Variants in OXNAD1 observed in about 807,000 individuals in gnomAD.
The protein encoded by OXNAD1 is oxidoreductase NAD-binding domain-containing protein 1.
A neutral mutation model predicts 32.9 loss-of-function variants in OXNAD1; 34 were observed. The ratio of observed to expected loss-of-function variants is 1.03; its 90% confidence interval spans 0.79 to 1.38. The LOEUF is 1.38. OXNAD1 is among the 40% of genes most tolerant of loss of function. OXNAD1 has a pLI of 0.00. For synonymous variants in OXNAD1, 134 were observed against 135.2 expected (o/e 0.99, Z 0.06); for missense variants, 407 against 379.4 (o/e 1.07, Z -0.60).
At position 16,302,762 on chromosome 3, in the gene OXNAD1, A is replaced by C. The variant is rs2067280642; in HGVS notation, c.784+14A>C. On this transcript the variant is annotated intron_variant, in intron 8 of 8. Coordinates refer to ENST00000285083, the MANE Select transcript of OXNAD1 (RefSeq NM_138381.5). The surrounding 1 kb of genome is among the most constrained non-coding windows in gnomAD (Gnocchi z 4.2). ...CATACATCACGGGTGAGTCCCCTAAAGATATTTTGACTATCTCCATGCAGT... is the reference window on the plus strand; with the variant it reads ...CATACATCACGGGTGAGTCCCCTAACGATATTTTGACTATCTCCATGCAGT... The C allele has an allele frequency of 6.3e-7, 1 of 1,576,246 alleles. No individual in the cohort carries two copies. The highest frequency in any genetic ancestry group is 1.1e-5 in the South Asian group (1 of 89,506).
chr3:16,272,556 A>G (rs971381283), intron 4 of OXNAD1, among the ~76,000 whole-genome samples: 2 of 151,982 alleles, frequency 1.3e-5, no homozygotes, highest in African/African-American at 4.8e-5. Context: ...ATGTAAAGGC[A>G]TATTGTTTAG....
Position 16,348,964 on chromosome 3 carries a change from A to G in OXNAD1, c.*31-212A>G, listed in dbSNP as rs2071912244. The stretch of plus-strand genomic sequence containing the variant: ...AGGGAAAATTCTGGCTAAAAGAGGT[A>G]AAAGAGGGACAGACAGCCATCCCAG... On this transcript the variant is annotated intron_variant, in intron 9 of 9. Coordinates refer to the OXNAD1 transcript ENST00000606098. This position sits in a 1 kb window ranked among gnomAD's most constrained non-coding sequence, Gnocchi z 6.3. Among the ~76,000 whole-genome samples, 1 of 152,230 alleles carries G rather than the reference A, an allele frequency of 6.6e-6. No homozygotes were observed. Among genetic ancestry groups the G allele is most frequent in the African/African-American group, 2.4e-5 (1 of 41,456 alleles).
rs763911105 is a variant in OXNAD1 at position 16,286,323 on chromosome 3, G to T, written c.184-19G>T. 27 of 1,595,688 alleles carry T rather than the reference G, an allele frequency of 1.7e-5. No homozygotes were observed. The Middle Eastern group carries it at 8.3e-4, about 49-fold the overall frequency. On this transcript the variant is annotated intron_variant, in intron 4 of 8. Coordinates refer to ENST00000285083, the MANE Select transcript of OXNAD1 (RefSeq NM_138381.5). ...TGTGTACGCACTAACCTCAGCCACA[G>T]TTCATCTTTTGGTTTTAGATTGTGT...
In OXNAD1 at chr3:16,322,228, G is replaced by T. The variant is rs907081148; in HGVS notation, c.*31-14884G>T. Among the ~76,000 whole-genome samples the T allele has an allele frequency of 6.6e-6, 1 of 152,172 alleles. No individual in the cohort carries two copies. Among genetic ancestry groups the T allele is most frequent in the Non-Finnish European group, 1.5e-5 (1 of 68,030 alleles). Reference sequence around the variant, plus strand: ...CTTCTGGTCCATTGTGCCGTCACCTGTCACATTACACCTTCAGAGCCTGGA... The same window carrying T: ...CTTCTGGTCCATTGTGCCGTCACCTTTCACATTACACCTTCAGAGCCTGGA... On this transcript the variant is annotated intron_variant, in intron 9 of 9. Coordinates refer to the OXNAD1 transcript ENST00000435829. The surrounding 1 kb of genome is among the most constrained non-coding windows in gnomAD (Gnocchi z 6.2).
chr3:16,327,180 G>A lies in OXNAD1; in HGVS notation c.*31-9932G>A, dbSNP rs185018815. On this transcript the variant is annotated intron_variant, in intron 9 of 9. Transcript: ENST00000435829. The surrounding 1 kb of genome is among the most constrained non-coding windows in gnomAD (Gnocchi z 4.2). ...CAAATAGCCTCCTGTGAGTTTCACT[G>A]ACGAAGCATAACTGTCTCACCTCTG... Among the ~76,000 whole-genome samples, 2 of 152,296 alleles carry A rather than the reference G, an allele frequency of 1.3e-5. No homozygotes were observed. The highest frequency in any genetic ancestry group is 3.9e-4 in the East Asian group (2 of 5,186).
chr3:16,333,989 C>A (rs2070599767), intron 9 of OXNAD1, among the ~76,000 whole-genome samples: 1 of 152,116 alleles, frequency 6.6e-6, no homozygotes, highest in Non-Finnish European at 1.5e-5. Context: ...CACGGTGAAA[C>A]CCCGTCTCTA....
At chr3:16,351,103 G>A (rs546753575), downstream of OXNAD1, among the ~76,000 whole-genome samples, 1 of 152,210 alleles carries the variant, frequency 6.6e-6, no homozygotes, top group Non-Finnish European at 1.5e-5. This position sits in a 1 kb window ranked among gnomAD's most constrained non-coding sequence, Gnocchi z 5.4. Context: ...TTACAGGCCA[G>A]AGTAGGTTTC....
Position 16,303,272 on chromosome 3 carries a change from T to C in OXNAD1, c.785-136T>C. The C allele has an allele frequency of 1.0e-6, 1 of 1,004,344 alleles. No individual in the cohort carries two copies. Among genetic ancestry groups the C allele is most frequent in the Non-Finnish European group, 1.5e-6 (1 of 675,372 alleles). The allele number at this position is 1,004,344 out of a possible 1,614,324, so 62.2% of individuals were successfully genotyped here. On this transcript the variant is annotated intron_variant, in intron 8 of 8. Transcript: ENST00000285083. This position sits in a 1 kb window ranked among gnomAD's most constrained non-coding sequence, Gnocchi z 4.8. ...TGGGCCCAGATGCCAATAGGAGCCATACTGTGAATGGCTTAAGAAGACTAG... is the reference window on the plus strand; with the variant it reads ...TGGGCCCAGATGCCAATAGGAGCCACACTGTGAATGGCTTAAGAAGACTAG...
rs1023380830 is a variant in OXNAD1 at position 16,297,387 on chromosome 3, T to C, written c.432+2390T>C. Among the ~76,000 whole-genome samples the C allele has an allele frequency of 6.6e-6, 1 of 152,222 alleles. No homozygotes were observed. The highest frequency in any genetic ancestry group is 6.5e-5 in the Admixed American group (1 of 15,280). ...AGCAACTGGAACTCTCATATATTGC[T>C]TATATTGCTAGTGGGAATGCAAAAT... On this transcript the variant is annotated intron_variant, in intron 6 of 8. Transcript: ENST00000285083. This position sits in a 1 kb window ranked among gnomAD's most constrained non-coding sequence, Gnocchi z 4.3.
rs774960703 is a variant in OXNAD1 at position 16,301,819 on chromosome 3, C to A, written c.626C>A (p.Thr209Lys). The A allele has an allele frequency of 3.1e-6, 5 of 1,613,946 alleles. No individual in the cohort carries two copies. The highest frequency in any genetic ancestry group is 3.3e-5 in the Admixed American group (2 of 59,994). Reference sequence around the variant, plus strand: ...AAAAGAAATGGATATGAGATAGGAACAATAAAACTATTCTACAGTGCAAAA... The same window carrying A: ...AAAAGAAATGGATATGAGATAGGAAAAATAAAACTATTCTACAGTGCAAAA... The part of the protein sequence containing the change: ...ANKRNGYEIG[T>K]IKLFYSAKNT... Residue 209 changes from threonine to lysine, a missense_variant, in exon 7 of 9, where the codon ACA becomes AAA. By Grantham distance (78) the Thr-to-Lys change is moderately conservative (BLOSUM62 -1). Coordinates refer to ENST00000285083, the MANE Select transcript of OXNAD1 (RefSeq NM_138381.5). The surrounding 1 kb of genome is among the most constrained non-coding windows in gnomAD (Gnocchi z 4.1).
chr3:16,315,381 G>A (rs1286034266), intron 9 of OXNAD1, among the ~76,000 whole-genome samples: 1 of 152,202 alleles, frequency 6.6e-6, no homozygotes, highest in East Asian at 1.9e-4. Context: ...CTCCCAAAGT[G>A]CTGGGATTAC....
intron 4 of OXNAD1, among the ~76,000 whole-genome samples, chr3:16,281,897 T>G (rs1034328433): frequency 4.4e-4 from 59 of 135,532 alleles, no homozygotes; most frequent in African/African-American, 1.6e-3. Flanking sequence ...TAACATTTCT[T>G]TTTTTTTTTT....
At chr3:16,273,512 GCCT>G (rs1259175003) in intron 4 of OXNAD1, among the ~76,000 whole-genome samples, 1 of 150,650 alleles carries the variant, frequency 6.6e-6, no homozygotes, top group African/African-American at 2.4e-5. Context: ...TCCTGCCTAA[GCCT>G]CCTGATTAGC....
downstream of OXNAD1, among the ~76,000 whole-genome samples, chr3:16,351,130 G>A (rs1428848678): frequency 6.6e-6 from 1 of 152,176 alleles, no homozygotes. This position sits in a 1 kb window ranked among gnomAD's most constrained non-coding sequence, Gnocchi z 5.4. Flanking sequence ...AGAAAAGTGT[G>A]TCATCGAGCC....
At position 16,271,598 on chromosome 3, in the gene OXNAD1, A is replaced by G; in HGVS notation, c.120-61A>G. 1.5e-6 allele frequency: 2 copies of G among 1,345,224 alleles called. No individual in the cohort carries two copies. Among genetic ancestry groups the G allele is most frequent in the Non-Finnish European group, 2.1e-6 (2 of 974,218 alleles). 83.3% of individuals were successfully genotyped at this position (1,345,224 alleles called of 1,614,324 possible). A position where few individuals can be genotyped will look rare whatever the true frequency, so the allele number is the denominator to read the frequency against. ...GGATAACCATGATATTTCAGGAAAAACTAATTTTATTATTTTTATGAGGAT... is the reference window on the plus strand; with the variant it reads ...GGATAACCATGATATTTCAGGAAAAGCTAATTTTATTATTTTTATGAGGAT... On this transcript the variant is annotated intron_variant, in intron 3 of 8. Transcript: ENST00000285083. This position sits in a 1 kb window ranked among gnomAD's most constrained non-coding sequence, Gnocchi z 4.6.
Position 16,336,330 on chromosome 3 carries a change from G to A in OXNAD1, c.*31-782G>A, listed in dbSNP as rs1033862348. Among the ~76,000 whole-genome samples the A allele has an allele frequency of 6.6e-6, 1 of 152,192 alleles. No individual in the cohort carries two copies. The highest frequency in any genetic ancestry group is 1.5e-5 in the Non-Finnish European group (1 of 68,040). On this transcript the variant is annotated intron_variant, in intron 9 of 9. Coordinates refer to the OXNAD1 transcript ENST00000435829. The surrounding 1 kb of genome is among the most constrained non-coding windows in gnomAD (Gnocchi z 6.0). ...CCAGGAGATCCCAGTCTAGGGGTGG[G>A]GAGAACAAGCACATGGTTCCCATCC...
chr3:16,332,831 C>T (rs999521027), intron 9 of OXNAD1, among the ~76,000 whole-genome samples: 2 of 123,630 alleles, frequency 1.6e-5, no homozygotes, highest in African/African-American at 3.1e-5. Context: ...TTGTGGGCAT[C>T]GATTTATCTA....
chr3:16,303,274 C>T lies in OXNAD1; in HGVS notation c.785-134C>T. Reference sequence around the variant, plus strand: ...GGCCCAGATGCCAATAGGAGCCATACTGTGAATGGCTTAAGAAGACTAGAC... The same window carrying T: ...GGCCCAGATGCCAATAGGAGCCATATTGTGAATGGCTTAAGAAGACTAGAC... On this transcript the variant is annotated intron_variant, in intron 8 of 8. Coordinates refer to ENST00000285083, the MANE Select transcript of OXNAD1 (RefSeq NM_138381.5). The surrounding 1 kb of genome is among the most constrained non-coding windows in gnomAD (Gnocchi z 4.8). 2 of 1,040,412 alleles carry T rather than the reference C, an allele frequency of 1.9e-6. No individual in the cohort carries two copies. Among genetic ancestry groups the T allele is most frequent in the South Asian group, 1.6e-5 (1 of 63,402 alleles). The allele number at this position is 1,040,412 out of a possible 1,614,324, so 64.4% of individuals were successfully genotyped here.
chr3:16,294,732 T>G (rs2066655542), intron 5 of OXNAD1, 124 bp from the exon 6 acceptor site: 2 of 918,704 alleles, frequency 2.2e-6, no homozygotes, highest in Non-Finnish European at 3.2e-6. Context: ...TGATGATATC[T>G]CCTCTTTTAT....
Sources: allele counts gnomAD v4.1 joint callset (sites outside exome capture counted in the v4.1 genomes callset), GRCh38; gene constraint gnomAD v4.1.1; non-coding constraint Gnocchi (gnomAD v3.1); transcripts MANE v1.5; gene names NCBI Gene and HGNC (gene_info 2026-07-23, HGNC 2026-07-21).